Variants in RUFY1 observed in about 807,000 individuals in gnomAD.
RUFY1 encodes the protein RUN and FYVE domain containing 1.
A neutral mutation model predicts 94.6 loss-of-function variants in RUFY1; 54 were observed. That is an observed-to-expected ratio of 0.57 (90% CI 0.46 to 0.72). RUFY1 has a LOEUF of 0.72. Ranked by LOEUF, RUFY1 falls within the 30% of genes least tolerant of loss-of-function variation. The pLI, the probability that RUFY1 is intolerant of heterozygous loss-of-function variation, is 0.00. For synonymous variants in RUFY1, 396 were observed against 347.3 expected (o/e 1.14, Z -1.56); for missense variants, 883 against 883.9 (o/e 1.00, Z 0.01).
intron 4 of RUFY1, among the ~76,000 whole-genome samples, chr5:179,567,828 C>G (rs527387704): frequency 1.3e-5 from 2 of 152,198 alleles, no homozygotes; most frequent in African/African-American, 4.8e-5. Context: ...CGCTCGAACC[C>G]GCGAGGCGGA....
At chr5:179,594,248 C>T (rs1392636463) in intron 11 of RUFY1, among the ~76,000 whole-genome samples, 2 of 151,386 alleles carry the variant, frequency 1.3e-5, no homozygotes, top group Non-Finnish European at 2.9e-5. Flanking sequence ...TGCAGTGAGC[C>T]GAAATCATTC....
chr5:179,552,544 A>G (rs1761916845), intron 1 of RUFY1, among the ~76,000 whole-genome samples: 1 of 152,208 alleles, frequency 6.6e-6, no homozygotes, highest in South Asian at 2.1e-4. Flanking sequence ...GCAGGCCGGG[A>G]ATCTACTGCC....
intron 13 of RUFY1, chr5:179,596,902 T>C: frequency 1.9e-6 from 1 of 519,884 alleles, no homozygotes; most frequent in Non-Finnish European, 3.3e-6. Flanking sequence ...CTCCAGAAGA[T>C]CTGGCCACTC....
chr5:179,601,980 T>G lies in RUFY1; in HGVS notation c.1850T>G (p.Leu617Arg). 6.2e-7 allele frequency: 1 copy of G among 1,612,936 alleles called. No homozygotes were observed. Among genetic ancestry groups the G allele is most frequent in the Non-Finnish European group, 8.5e-7 (1 of 1,179,264 alleles). The change falls in exon 15 of 18, where the codon CTC becomes CGC. Residue 617 changes from leucine to arginine, a missense_variant. By Grantham distance (102) the Leu-to-Arg change is moderately radical. Transcript: ENST00000319449. Reference sequence around the variant, plus strand: ...GCCCTCCAGGAAATGGGCCTGCACCTCAGCCAGTAAGAACCCCACTCCCCT... The same window carrying G: ...GCCCTCCAGGAAATGGGCCTGCACCGCAGCCAGTAAGAACCCCACTCCCCT... ...EQALQEMGLH[L>R]SQSKLKMEDI...
At chr5:179,566,748 A>C (rs1762860993) in intron 3 of RUFY1, among the ~76,000 whole-genome samples, 1 of 152,134 alleles carries the variant, frequency 6.6e-6, no homozygotes, top group Admixed American at 6.6e-5. Context: ...CACAATTAAT[A>C]ATAAAACATA....
intron 16 of RUFY1, chr5:179,607,148 A>G (rs66946955): frequency 0.085 from 17,578 of 206,430 alleles, 812 homozygotes; most frequent in South Asian, 0.11. Flanking sequence ...ATCAGCGTCA[A>G]CAAGTGTCTT....
intron 5 of RUFY1, among the ~76,000 whole-genome samples, chr5:179,574,348 C>T (rs189510261): frequency 1.9e-3 from 285 of 152,226 alleles, no homozygotes; most frequent in African/African-American, 6.6e-3. Flanking sequence ...TGAGCTGAGA[C>T]CGTGCCACTG....
chr5:179,576,517 T>G (rs1053650278), intron 5 of RUFY1, among the ~76,000 whole-genome samples: 1 of 152,272 alleles, frequency 6.6e-6, no homozygotes, highest in African/African-American at 2.4e-5. Context: ...GCCTCCCAGG[T>G]TCAAGCGATT....
intron 6 of RUFY1, among the ~76,000 whole-genome samples, chr5:179,580,279 G>T (rs1764034331): frequency 7.5e-6 from 1 of 132,550 alleles, no homozygotes. Flanking sequence ...GTCTCGCTCT[G>T]TCGCCCAGGC....
chr5:179,566,118 A>T, intron 3 of RUFY1, among the ~76,000 whole-genome samples: 1 of 151,742 alleles, frequency 6.6e-6, no homozygotes, highest in East Asian at 1.9e-4. Context: ...AGCATGGGCG[A>T]CTGAGCAAGA....
intron 7 of RUFY1, among the ~76,000 whole-genome samples, chr5:179,583,745 T>TTTTTA (rs942097754): frequency 7.0e-6 from 1 of 142,592 alleles, no homozygotes; most frequent in Non-Finnish European, 1.5e-5. Flanking sequence ...TTATTTTTAT[T>TTTTTA]TTTTATTTTA....
At chr5:179,580,329 G>A (rs1241936383) in intron 6 of RUFY1, among the ~76,000 whole-genome samples, 1 of 149,808 alleles carries the variant, frequency 6.7e-6, no homozygotes, top group Non-Finnish European at 1.5e-5. Context: ...TGCAAGCTCC[G>A]CCTCCCGGGT....
intron 1 of RUFY1, among the ~76,000 whole-genome samples, chr5:179,556,507 G>A (rs960752591): frequency 4.2e-5 from 6 of 142,684 alleles, no homozygotes; most frequent in African/African-American, 1.0e-4. Context: ...CTTGAATTGC[G>A]TTTTTTTTTT....
intron 1 of RUFY1, among the ~76,000 whole-genome samples, chr5:179,557,138 T>C (rs558885115): frequency 4.6e-5 from 7 of 152,244 alleles, no homozygotes; most frequent in African/African-American, 7.2e-5. Context: ...CCAAGACTTA[T>C]CAAGTGTGAG....
In RUFY1 at chr5:179,550,786, G is replaced by A. The variant is rs1271001627; in HGVS notation, c.217G>A (p.Ala73Thr). The change falls in exon 1 of 18, where the codon GCC becomes ACC. Residue 73 changes from alanine to threonine, a missense_variant. Ala to Thr is a moderately conservative substitution (Grantham distance 58). Transcript: ENST00000319449. ...GCCCATCCTGACCCTGGCACGCAGG[G>A]CCACCGGGAACCTGTCGGCGAGCTG... ...SAPILTLARRATGNLSASCGS... is the reference protein window; with the variant it reads ...SAPILTLARRTTGNLSASCGS... The A allele has an allele frequency of 8.7e-6, 12 of 1,373,324 alleles. No individual in the cohort carries two copies. Among genetic ancestry groups the A allele is most frequent in the South Asian group, 3.2e-5 (2 of 62,528 alleles). 85.1% of individuals were successfully genotyped at this position (1,373,324 alleles called of 1,614,324 possible). A position where few individuals can be genotyped will look rare whatever the true frequency, so the allele number is the denominator to read the frequency against.
intron 17 of RUFY1, 40 bp from the exon 18 acceptor site, chr5:179,609,336 T>TC (rs770673460): frequency 1.2e-6 from 2 of 1,601,338 alleles, no homozygotes; most frequent in South Asian, 1.1e-5. Context: ...GGATGGCTTT[T>TC]CCCCGGGTGT....
chr5:179,583,951 T>C (rs1646008220), intron 7 of RUFY1, among the ~76,000 whole-genome samples: 2 of 151,372 alleles, frequency 1.3e-5, no homozygotes. Flanking sequence ...GGTTTCACCG[T>C]GTTAGCCAGG....
intron 16 of RUFY1, chr5:179,606,381 A>C: frequency 5.7e-6 from 1 of 174,646 alleles, no homozygotes; most frequent in Non-Finnish European, 1.2e-5. Flanking sequence ...GGGAGGGCAG[A>C]ATGACACATT....
At chr5:179,585,672 A>T in intron 7 of RUFY1, 124 bp from the exon 8 acceptor site, 1 of 686,406 alleles carries the variant, frequency 1.5e-6, no homozygotes, top group Admixed American at 2.5e-5. Flanking sequence ...CTCTGAGTTA[A>T]TTGGAGACCC....
Sources: allele counts gnomAD v4.1 joint callset (sites outside exome capture counted in the v4.1 genomes callset), GRCh38; gene constraint gnomAD v4.1.1; transcripts MANE v1.5; gene names NCBI Gene and HGNC (gene_info 2026-07-23, HGNC 2026-07-21).